TBCD: variants seen among roughly 807,000 people sequenced by gnomAD.
TBCD encodes the protein tubulin folding cofactor D, also known as tubulin-specific chaperone D.
In TBCD, 105 loss-of-function variants were observed where a neutral mutation model predicts 169.3. The observed-to-expected ratio is 0.62, with a 90% CI of 0.53 to 0.73. TBCD has a LOEUF of 0.73. TBCD is among the 30% of genes least tolerant of loss of function. The probability of loss-of-function intolerance (pLI) is 0.00; values close to 1 mark genes in which losing one functional copy is unlikely to be tolerated. For synonymous variants in TBCD, 700 were observed against 643.9 expected, an observed-to-expected ratio of 1.09 and a Z score of -1.32; for missense variants, 1,444 against 1,600.1, an observed-to-expected ratio of 0.90 and a Z score of 1.66.
chr17:82,752,461 G>C, intron 1 of TBCD, 84 bp downstream of exon 1: 43 of 1,073,114 alleles, frequency 4.0e-5, no homozygotes, highest in Non-Finnish European at 4.7e-5. Context: ...GGGGACCGCA[G>C]CCCGGCGGCG....
intron 20 of TBCD, 147 bp downstream of exon 20, chr17:82,906,200 G>T: frequency 1.5e-6 from 1 of 655,112 alleles, no homozygotes; most frequent in Non-Finnish European, 2.6e-6. Context: ...GCCCCAGGTT[G>T]TATTGATGGA....
chr17:82,823,235 C>T (rs550913821), intron 13 of TBCD, among the ~76,000 whole-genome samples: 5 of 152,326 alleles, frequency 3.3e-5, no homozygotes, highest in African/African-American at 4.8e-5. Context: ...TGGCTGTGGC[C>T]TGGCCTGACC....
At chr17:82,804,714 T>G (rs985133864) in intron 9 of TBCD, among the ~76,000 whole-genome samples, 1 of 152,226 alleles carries the variant, frequency 6.6e-6, no homozygotes, top group African/African-American at 2.4e-5. Context: ...CACGGCTGTT[T>G]GGAAGGTGGC....
At chr17:82,770,634 C>A (rs2048259297) in intron 5 of TBCD, among the ~76,000 whole-genome samples, 1 of 151,724 alleles carries the variant, frequency 6.6e-6, no homozygotes, top group Admixed American at 6.6e-5. Flanking sequence ...GGTTTACCCA[C>A]CCTTGTTTAC....
chr17:82,801,532 G>A (rs562118213), intron 9 of TBCD, among the ~76,000 whole-genome samples: 51 of 141,622 alleles, frequency 3.6e-4, no homozygotes, highest in Non-Finnish European at 6.2e-4. Context: ...GTGTGTCGTC[G>A]TGTGGCTCAG....
chr17:82,786,745 CCTT>C (rs1348409943), intron 7 of TBCD, among the ~76,000 whole-genome samples: 1 of 151,900 alleles, frequency 6.6e-6, no homozygotes, highest in Non-Finnish European at 1.5e-5. Flanking sequence ...GGCTCCGAGT[CCTT>C]CTCGGCTTGG....
chr17:82,860,381 C>T (rs1207128909), intron 13 of TBCD: 1 of 985,374 alleles, frequency 1.0e-6, no homozygotes, highest in South Asian at 4.7e-5. Context: ...GGCTCTTTTC[C>T]CTGTGGTGGC....
intron 8 of TBCD, 58 bp downstream of exon 8, chr17:82,797,860 C>G: frequency 7.8e-7 from 1 of 1,289,468 alleles, no homozygotes; most frequent in Non-Finnish European, 1.1e-6. Context: ...CATATACAAT[C>G]AAGTGTCTTT....
At chr17:82,860,297 T>C (rs9890196) in intron 13 of TBCD, 534,219 of 905,154 alleles carry the variant, frequency 0.59, 158,441 homozygotes, top group East Asian at 0.71. Context: ...GCCCCCTGCA[T>C]GGCGGTCACG....
At chr17:82,812,333 C>T (rs570353915) in intron 12 of TBCD, among the ~76,000 whole-genome samples, 79 of 152,320 alleles carry the variant, frequency 5.2e-4, no homozygotes, top group Non-Finnish European at 4.7e-4. Flanking sequence ...CCCGCCGCCC[C>T]GTGTCAGCAG....
rs1006523480 is a variant in TBCD, at chr17:82,802,709, C to T, written c.950+1713C>T. Among the ~76,000 whole-genome samples the T allele has an allele frequency of 8.5e-5, 13 of 152,360 alleles. No homozygotes were observed. The East Asian group carries it at 1.4e-3, about 16-fold the overall frequency. ...GGCGTTTTGTTCTGCTGGGGCCTTC[C>T]GCTGGCTGAACGAGGCCCCCTGCAT... On this transcript the variant is annotated intron_variant, in intron 9 of 38. Transcript: ENST00000355528.
rs2060019012 is a variant in TBCD, at chr17:82,903,364, A to G, written c.1731-41A>G. On this transcript the variant is annotated intron_variant, in intron 18 of 38. Transcript: ENST00000355528. This position sits in a 1 kb window ranked among gnomAD's most constrained non-coding sequence, Gnocchi z 4.8. The stretch of plus-strand genomic sequence containing the variant: ...TTATGAATTGAATAAAGCTAGAATC[A>G]TAAAATGAAGGCACTTACGACATTC... 4 of 1,549,122 alleles carry G rather than the reference A, an allele frequency of 2.6e-6. No homozygotes were observed. The highest frequency in any genetic ancestry group is 2.6e-6 in the Non-Finnish European group (3 of 1,138,048).
intron 8 of TBCD, among the ~76,000 whole-genome samples, chr17:82,800,063 C>T (rs2050393994): frequency 6.6e-6 from 1 of 151,932 alleles, no homozygotes; most frequent in African/African-American, 2.4e-5. Flanking sequence ...CCTCCATCTC[C>T]TTGTCTTCCA....
chr17:82,772,300 T>C (rs1034032705), intron 5 of TBCD, among the ~76,000 whole-genome samples, 152 bp from the exon 6 acceptor site: 5 of 152,180 alleles, frequency 3.3e-5, no homozygotes, highest in African/African-American at 4.8e-5. Flanking sequence ...AGAGAGGTTT[T>C]TTTTTGCAGC....
Position 82,752,389 on chromosome 17 carries a change from G to GCGC in TBCD, c.184+16_184+18dup. 1 of 1,229,720 alleles carries GCGC rather than the reference G, an allele frequency of 8.1e-7. No homozygotes were observed. Among genetic ancestry groups the GCGC allele is most frequent in the Non-Finnish European group, 1.0e-6 (1 of 988,336 alleles). 76.2% of individuals were successfully genotyped at this position (1,229,720 alleles called of 1,614,324 possible). ...GGAGCGGTTCCGCGGTGCGTGGGCG[G>GCGC]CGCCGCGTGCCCGCTTCCTCCCCCG... On this transcript the variant is annotated intron_variant, in intron 1 of 38. Coordinates refer to ENST00000355528, the MANE Select transcript of TBCD (RefSeq NM_005993.5).
intron 12 of TBCD, among the ~76,000 whole-genome samples, chr17:82,812,972 C>T (rs935341581): frequency 6.6e-6 from 1 of 152,158 alleles, no homozygotes; most frequent in Non-Finnish European, 1.5e-5. Context: ...GTGTGCAGCA[C>T]CACACCTGGC....
intron 13 of TBCD, among the ~76,000 whole-genome samples, chr17:82,855,982 C>CT (rs529999438): frequency 2.1e-5 from 3 of 140,028 alleles, no homozygotes; most frequent in East Asian, 2.1e-4. Flanking sequence ...TATGGGTAGA[C>CT]TCCCCCCCCA....
In TBCD at chr17:82,758,762, C is replaced by G. The variant is rs1249293511; in HGVS notation, c.235+2547C>G. Among the ~76,000 whole-genome samples, 12 of 146,478 alleles carry G rather than the reference C, an allele frequency of 8.2e-5. No homozygotes were observed. In the Admixed American group the frequency reaches 8.4e-4, roughly 10 times the overall value. ...GCAACTTCTGCCTCCAGGGTTCAAGCGATTCTCCTGCCTCAGCCTCCAGCG... is the reference window on the plus strand; with the variant it reads ...GCAACTTCTGCCTCCAGGGTTCAAGGGATTCTCCTGCCTCAGCCTCCAGCG... On this transcript the variant is annotated intron_variant, in intron 2 of 38. Coordinates refer to ENST00000355528, the MANE Select transcript of TBCD (RefSeq NM_005993.5).
intron 13 of TBCD, among the ~76,000 whole-genome samples, chr17:82,860,808 C>T (rs569263038): frequency 8.1e-4 from 123 of 152,284 alleles, no homozygotes; most frequent in African/African-American, 2.7e-3. Flanking sequence ...TTGTCCCGAG[C>T]GGAGGGTCTC....
Sources: gnomAD v4.1 joint callset for allele counts (sites outside exome capture counted in the v4.1 genomes callset) on GRCh38, gnomAD v4.1.1 for gene constraint, Gnocchi (gnomAD v3.1) non-coding constraint, MANE v1.5 for transcripts, NCBI Gene and HGNC (gene_info 2026-07-23, HGNC 2026-07-21) for gene names.